ATP8B3: variants seen among roughly 807,000 people sequenced by gnomAD.
ATP8B3 encodes phospholipid-transporting ATPase IK.
ATP8B3 carries 141 observed loss-of-function variants against 140.9 expected under a neutral mutation model. That is an observed-to-expected ratio of 1.00 (90% confidence interval 0.87 to 1.15). The LOEUF (loss-of-function observed/expected upper bound fraction) is 1.15, where lower values mean the gene tolerates loss of function less well. ATP8B3 is among the 50% of genes most tolerant of loss of function. The pLI is 0.00. For synonymous variants in ATP8B3, 765 were observed against 714.6 expected (o/e 1.07, Z -1.13); for missense variants, 1,874 against 1,740.6 (o/e 1.08, Z -1.36).
At chr19:1,792,872 C>G (rs55930261) in intron 18 of ATP8B3, among the ~76,000 whole-genome samples, 10,714 of 150,736 alleles carry the variant, frequency 0.071, 1,035 homozygotes, top group African/African-American at 0.22. Flanking sequence ...CTGAGATCGC[C>G]CTATCGCACT....
rs979599611 is a variant in ATP8B3, at chr19:1,787,007, G to A, written c.3153+96C>T. 11 of 1,214,904 alleles carry A rather than the reference G, an allele frequency of 9.1e-6. No homozygotes were observed. In the African/African-American group the frequency reaches 1.4e-4, roughly 15 times the overall value. The allele number at this position is 1,214,904 out of a possible 1,614,324, so 75.3% of individuals were successfully genotyped here. A position where few individuals can be genotyped will look rare whatever the true frequency, so the allele number is the denominator to read the frequency against. ...CTGAGCCCCACCCCATGGCCTGAAGGTCTCCCAGGCTCCCTCTCCCCGCCC... is the reference window on the plus strand; with the variant it reads ...CTGAGCCCCACCCCATGGCCTGAAGATCTCCCAGGCTCCCTCTCCCCGCCC... On this transcript the variant is annotated intron_variant, in intron 25 of 28. Coordinates refer to ENST00000310127, the MANE Select transcript of ATP8B3 (RefSeq NM_138813.4).
intron 25 of ATP8B3, among the ~76,000 whole-genome samples, chr19:1,786,539 C>T (rs1317403644): frequency 6.6e-6 from 1 of 150,568 alleles, no homozygotes. Context: ...GCACTCCAGC[C>T]TGGGCGACAG....
At chr19:1,783,506 C>A (rs567650340) in intron 28 of ATP8B3, among the ~76,000 whole-genome samples, 1 of 152,316 alleles carries the variant, frequency 6.6e-6, no homozygotes, top group African/African-American at 2.4e-5. Context: ...GGAAACTAAC[C>A]CTGGATCAGC....
chr19:1,785,675 C>T lies in ATP8B3; in HGVS notation c.3187G>A (p.Glu1063Lys), dbSNP rs758769304. The T allele has an allele frequency of 6.2e-7, 1 of 1,612,210 alleles. No homozygotes were observed. Among genetic ancestry groups the T allele is most frequent in the Admixed American group, 1.7e-5 (1 of 59,876 alleles). The change falls in exon 26 of 29, where the codon GAG (glutamate) becomes AAG (lysine). Residue 1063 changes from glutamate to lysine, a missense_variant. Glu to Lys is a moderately conservative substitution (Grantham distance 56, BLOSUM62 1). This residue lies in a region of ATP8B3 where 840 missense variants were observed against 760.9 expected (regional missense o/e 1.10). Coordinates refer to ENST00000310127, the MANE Select transcript of ATP8B3 (RefSeq NM_138813.4). ...VSAEQSLEKP[E>K]LYVVGQKDEL... ...TCCTTCTGCCCCACCACGTACAGCT[C>T]CGGCTTCTCCAGGCTCTGCTCTGCG...
intron 4 of ATP8B3, among the ~76,000 whole-genome samples, chr19:1,809,148 T>C (rs746713271): frequency 2.0e-5 from 3 of 151,542 alleles, no homozygotes; most frequent in Non-Finnish European, 4.4e-5. Flanking sequence ...CATTCCAGCC[T>C]GGGCGACAGA....
chr19:1,788,828 G>C (rs2068386511), intron 24 of ATP8B3, 69 bp downstream of exon 24: 1 of 1,414,482 alleles, frequency 7.1e-7, no homozygotes, highest in Non-Finnish European at 9.7e-7. Context: ...GGCTGCTCCT[G>C]GCAGCTATGG....
Position 1,796,182 on chromosome 19 carries a change from G to A in ATP8B3, c.1837C>T (p.Arg613Cys), listed in dbSNP as rs374660977. The A allele has an allele frequency of 1.4e-5, 22 of 1,612,770 alleles. No individual in the cohort carries two copies. The highest frequency in any genetic ancestry group is 2.2e-5 in the South Asian group (2 of 91,084). ...ATGATCGTGACGGTGTCCTGGGTGC[G>A]GGACAGGAACACGTAGCCGAAGTTC... ...ARNFGYVFLS[R>C]TQDTVTIMEL... The change falls in exon 17 of 29, where the codon CGC (arginine) becomes TGC (cysteine). Residue 613 changes from arginine (R) to cysteine (C), a missense_variant. Around this residue, in one of 3 missense-constraint regions of ATP8B3, gnomAD observed 1,032 missense variants for 963.6 expected, o/e 1.07. Coordinates refer to ENST00000310127, the MANE Select transcript of ATP8B3 (RefSeq NM_138813.4).
At chr19:1,795,319 A>AG (rs2068631980) in intron 18 of ATP8B3, among the ~76,000 whole-genome samples, 2 of 151,862 alleles carry the variant, frequency 1.3e-5, no homozygotes, top group Non-Finnish European at 2.9e-5. Context: ...TGGGAGGCCA[A>AG]GGGGGCAGAT....
intron 27 of ATP8B3, 69 bp from the exon 28 acceptor site, chr19:1,785,015 CCT>C: frequency 6.5e-7 from 1 of 1,540,024 alleles, no homozygotes; most frequent in African/African-American, 1.4e-5. Context: ...CTAGGGAGCG[CCT>C]TGGTGCCTTT....
In ATP8B3 at chr19:1,791,878, G is replaced by T; in HGVS notation, c.2191-17C>A. 2 of 1,608,848 alleles carry T rather than the reference G, an allele frequency of 1.2e-6. No homozygotes were observed. The highest frequency in any genetic ancestry group is 1.7e-6 in the Non-Finnish European group (2 of 1,178,796). ...TCCCAGCAGCTGGTGGGGGAGGAGGGCAGGGCGGGGAAGATGCTGAGCAGC... is the reference window on the plus strand; with the variant it reads ...TCCCAGCAGCTGGTGGGGGAGGAGGTCAGGGCGGGGAAGATGCTGAGCAGC... On this transcript the variant is annotated splice_polypyrimidine_tract_variant and intron_variant, in intron 19 of 28. Coordinates refer to ENST00000310127, the MANE Select transcript of ATP8B3 (RefSeq NM_138813.4).
chr19:1,783,410 CAATT>C, intron 28 of ATP8B3, 140 bp from the exon 29 acceptor site: 2 of 1,118,596 alleles, frequency 1.8e-6, no homozygotes, highest in Non-Finnish European at 2.5e-6. Context: ...CAAGTTGAGC[CAATT>C]AGAGTCCTCG....
chr19:1,805,648 AGGCCAG>A lies in ATP8B3; in HGVS notation c.822-198_822-193del, dbSNP rs2068987732. 6.6e-6 allele frequency among the ~76,000 whole-genome samples: 1 copy of A among 152,226 alleles called. No individual in the cohort carries two copies. Among genetic ancestry groups the A allele is most frequent in the African/African-American group, 2.4e-5 (1 of 41,456 alleles). The stretch of plus-strand genomic sequence containing the variant: ...CACACAGCACATTTGCAAAGTGCTG[AGGCCAG>A]GGCCTAGGGCCTAGGGCCTCCTGCC... On this transcript the variant is annotated intron_variant, in intron 9 of 28. Coordinates refer to ENST00000310127, the MANE Select transcript of ATP8B3 (RefSeq NM_138813.4). This position sits in a 1 kb window ranked among gnomAD's most constrained non-coding sequence, Gnocchi z 5.2.
In ATP8B3 at chr19:1,789,713, C is replaced by T. The variant is rs913495490; in HGVS notation, c.2493G>A (p.Val831=). The T allele has an allele frequency of 3.8e-6, 6 of 1,575,782 alleles. No individual in the cohort carries two copies. Among genetic ancestry groups the T allele is most frequent in the African/African-American group, 2.7e-5 (2 of 74,198 alleles). Residue 831 remains valine, a synonymous_variant, in exon 23 of 29, where the codon GTG becomes GTA. Coordinates refer to ENST00000310127, the MANE Select transcript of ATP8B3 (RefSeq NM_138813.4). ...GGGCGCGCGGCTCCTTCCGCAGGGA[C>T]ACCAGCAGTTTGTCCTGGCCGGCGG... ...INGDFLDKLL[V]SLRKEPRALA...
At chr19:1,789,754 A>G in intron 22 of ATP8B3, 27 bp from the exon 23 acceptor site, 1 of 1,541,222 alleles carries the variant, frequency 6.5e-7, no homozygotes, top group Non-Finnish European at 8.7e-7. Flanking sequence ...GGGCTGTGCC[A>G]GGCGCCGTGG....
In ATP8B3 at chr19:1,800,500, C is replaced by T. The variant is rs2068813833; in HGVS notation, c.1153-51G>A. The T allele has an allele frequency of 2.6e-6, 4 of 1,525,280 alleles. No homozygotes were observed. The East Asian group carries it at 9.0e-5, about 34-fold the overall frequency. 94.5% of individuals were successfully genotyped at this position (1,525,280 alleles called of 1,614,324 possible). A position where few individuals can be genotyped will look rare whatever the true frequency, so the allele number is the denominator to read the frequency against. ...GTGAGGGGGGCGGGGGTCCCCCACT[C>T]TGCCATCAGGATGGGGTAAACACAA... On this transcript the variant is annotated intron_variant, in intron 12 of 28. Transcript: ENST00000310127. The surrounding 1 kb of genome is among the most constrained non-coding windows in gnomAD (Gnocchi z 4.4).
chr19:1,804,608 A>AC (rs1281658687), intron 10 of ATP8B3, among the ~76,000 whole-genome samples: 1 of 138,772 alleles, frequency 7.2e-6, no homozygotes, highest in East Asian at 2.0e-4. Flanking sequence ...ACTCCGTCTC[A>AC]AAAAAAAAAA....
Position 1,789,715 on chromosome 19 carries a change from C to A in ATP8B3, c.2491G>T (p.Val831Leu). The A allele has an allele frequency of 3.2e-6, 5 of 1,575,004 alleles. No individual in the cohort carries two copies. The highest frequency in any genetic ancestry group is 1.7e-6 in the Non-Finnish European group (2 of 1,163,970). Residue 831 changes from valine (V) to leucine (L), a missense_variant, in exon 23 of 29, where the codon GTG (valine) becomes TTG (leucine). Physicochemically the swap from Val to Leu is conservative, Grantham distance 32 (BLOSUM62 1). Coordinates refer to ENST00000310127, the MANE Select transcript of ATP8B3 (RefSeq NM_138813.4). ...GCGCGCGGCTCCTTCCGCAGGGACA[C>A]CAGCAGTTTGTCCTGGCCGGCGGGG... Reference protein sequence around the residue: ...INGDFLDKLLVSLRKEPRALA... With the variant: ...INGDFLDKLLLSLRKEPRALA...
At position 1,805,498 on chromosome 19, in the gene ATP8B3, G is replaced by T; in HGVS notation, c.822-42C>A. ...GAGGGAGGTGAAAGTGGAGTTGATG[G>T]ATGCTTCGAGGAGCCCCCAGACCCC... is the stretch of plus-strand genomic sequence containing the variant. On this transcript the variant is annotated intron_variant, in intron 9 of 28. Coordinates refer to ENST00000310127, the MANE Select transcript of ATP8B3 (RefSeq NM_138813.4). The surrounding 1 kb of genome is among the most constrained non-coding windows in gnomAD (Gnocchi z 5.2). 1 of 1,487,154 alleles carries T rather than the reference G, an allele frequency of 6.7e-7. No homozygotes were observed. The highest frequency in any genetic ancestry group is 9.2e-7 in the Non-Finnish European group (1 of 1,088,364). The allele number at this position is 1,487,154 out of a possible 1,614,324, so 92.1% of individuals were successfully genotyped here.
Position 1,811,738 on chromosome 19 carries a change from C to T in ATP8B3, c.-2G>A. 1.9e-6 allele frequency: 3 copies of T among 1,585,302 alleles called. No homozygotes were observed. Among genetic ancestry groups the T allele is most frequent in the Middle Eastern group, 1.7e-4 (1 of 5,980 alleles). On this transcript the variant is annotated 5_prime_UTR_variant, in exon 2 of 29. An upstream open reading frame in the 5' UTR loses its in-frame stop. Transcript: ENST00000310127. The stretch of plus-strand genomic sequence containing the variant: ...AGTCTGAGCGGGGCCAGTGCCCATT[C>T]ACCGCATGAGGAAAAGGGAGGTTCA...
Sources: allele counts gnomAD v4.1 joint callset (sites outside exome capture counted in the v4.1 genomes callset), GRCh38; gene constraint gnomAD v4.1.1; regional missense constraint gnomAD v4.1.1; non-coding constraint Gnocchi (gnomAD v3.1); transcripts MANE v1.5; gene names NCBI Gene and HGNC (gene_info 2026-07-23, HGNC 2026-07-21).